ABHD18: variants seen among roughly 807,000 people sequenced by gnomAD.
ABHD18 encodes abhydrolase domain containing 18, also known as cardiolipin-specific deacylase, mitochondrial.
ABHD18 carries 55 observed loss-of-function variants against 65.9 expected under a neutral mutation model. The observed-to-expected ratio is 0.84, with a 90% CI of 0.67 to 1.05. The LOEUF (loss-of-function observed/expected upper bound fraction) is 1.05. Among genes scored for constraint, ABHD18 ranks in the 50% least tolerant of loss-of-function variants. The probability of loss-of-function intolerance (pLI) is 0.00; values close to 1 mark genes in which losing one functional copy is unlikely to be tolerated. For synonymous variants in ABHD18, 181 were observed against 180.2 expected (o/e 1.00, Z -0.04); for missense variants, 533 against 558.5 (o/e 0.95, Z 0.46).
chr4:127,991,835 T>A (rs1394434580), intron 4 of ABHD18, among the ~76,000 whole-genome samples: 1 of 152,222 alleles, frequency 6.6e-6, no homozygotes, highest in Non-Finnish European at 1.5e-5. Flanking sequence ...CGTATTGGAA[T>A]CCTGAATTCC....
chr4:127,982,965 A>T lies in ABHD18; in HGVS notation c.10A>T (p.Ser4Cys). ...TGCTTGTTTGCTACTGATGGGTGTGAGCAAGTTAGATATTCTATACCGGAG... is the reference window on the plus strand; with the variant it reads ...TGCTTGTTTGCTACTGATGGGTGTGTGCAAGTTAGATATTCTATACCGGAG... MGV[S>C]KLDILYRRLL... Residue 4 changes from serine to cysteine, a missense_variant, in exon 2 of 13, where the codon AGC (serine) becomes TGC (cysteine). Transcript: ENST00000645843. The T allele has an allele frequency of 1.3e-6, 2 of 1,561,028 alleles. No individual in the cohort carries two copies. The highest frequency in any genetic ancestry group is 1.7e-6 in the Non-Finnish European group (2 of 1,151,470).
rs563328704 is a variant in ABHD18, at chr4:128,039,742, T to C, written c.*3929T>C. On this transcript the variant is annotated 3_prime_UTR_variant, in exon 13 of 13. Transcript: ENST00000645843. ...TGTGCTTTTTTTCAAGAGGTATTAT[T>C]GTAAATACGGTAGACACATGTCACA... 82 of 152,306 alleles carry C rather than the reference T, an allele frequency of 5.4e-4. No homozygotes were observed. Among genetic ancestry groups the C allele is most frequent in the African/African-American group, 1.9e-3 (79 of 41,568 alleles). The allele number at this position is 152,306 out of a possible 1,614,324, so 9.4% of individuals were successfully genotyped here.
intron 1 of ABHD18, among the ~76,000 whole-genome samples, chr4:127,982,733 C>T (rs1194693864): frequency 2.0e-5 from 3 of 152,156 alleles, no homozygotes; most frequent in Non-Finnish European, 4.4e-5. Context: ...GAGAAATTCA[C>T]AGTTCAGTGA....
At chr4:128,022,923 A>G (rs911488906) in intron 10 of ABHD18, among the ~76,000 whole-genome samples, 2 of 151,982 alleles carry the variant, frequency 1.3e-5, no homozygotes, top group Admixed American at 1.3e-4. Context: ...GGCACGCGCC[A>G]CTATGCTTAG....
chr4:127,967,993 G>A (rs1746008777), intron 1 of ABHD18, among the ~76,000 whole-genome samples: 2 of 152,062 alleles, frequency 1.3e-5, no homozygotes, highest in African/African-American at 2.4e-5. Flanking sequence ...AGGCCGAGGC[G>A]GGCGGATCAC....
At chr4:128,015,122 G>A (rs909112746) in intron 7 of ABHD18, among the ~76,000 whole-genome samples, 1 of 151,348 alleles carries the variant, frequency 6.6e-6, no homozygotes, top group Non-Finnish European at 1.5e-5. Flanking sequence ...GTGCACACCT[G>A]TAGTCCCAGG....
chr4:128,009,349 A>G (rs1754156694), intron 6 of ABHD18, 158 bp downstream of exon 6: 2 of 449,498 alleles, frequency 4.4e-6, no homozygotes, highest in Admixed American at 8.7e-5. Flanking sequence ...GGAGTGAAAG[A>G]CTATTTCATG....
chr4:128,004,103 C>G (rs1377759171), intron 4 of ABHD18, among the ~76,000 whole-genome samples: 1 of 151,978 alleles, frequency 6.6e-6, no homozygotes, highest in Non-Finnish European at 1.5e-5. Flanking sequence ...CCTTCAAGAT[C>G]AGTTGTTCTA....
chr4:128,013,725 A>G (rs1579368091), intron 7 of ABHD18, among the ~76,000 whole-genome samples: 1 of 151,594 alleles, frequency 6.6e-6, no homozygotes, highest in East Asian at 1.9e-4. Flanking sequence ...TCTGACTTGG[A>G]TGTGTCAAAT....
At chr4:127,998,139 T>G (rs1752049436) in intron 4 of ABHD18, among the ~76,000 whole-genome samples, 1 of 152,142 alleles carries the variant, frequency 6.6e-6, no homozygotes, top group Admixed American at 6.6e-5. Context: ...TCCTCCTGCC[T>G]CAGCCTCCCA....
chr4:127,981,820 G>T (rs72618807), intron 1 of ABHD18, among the ~76,000 whole-genome samples: 4,608 of 152,186 alleles, frequency 0.03, 304 homozygotes, highest in East Asian at 0.27. Context: ...AGAGAGATGG[G>T]TGCTATTAAA....
chr4:127,988,858 A>G (rs1322844525), intron 3 of ABHD18, among the ~76,000 whole-genome samples: 1 of 152,204 alleles, frequency 6.6e-6, no homozygotes, highest in African/African-American at 2.4e-5. Context: ...ACTGCGGAGA[A>G]CAGTATGGAA....
Position 128,018,741 on chromosome 4 carries a change from C to T in ABHD18, c.609+1240C>T, listed in dbSNP as rs772972145. On this transcript the variant is annotated intron_variant, in intron 8 of 12. Transcript: ENST00000645843. The stretch of plus-strand genomic sequence containing the variant: ...CTCAAATTCAAAACTATGCTGGGCA[C>T]GGTGGTTCACACCTGTAATCCCAGC... 2.9e-4 allele frequency among the ~76,000 whole-genome samples: 44 copies of T among 152,130 alleles called. No individual in the cohort carries two copies. The East Asian group carries it at 7.0e-3, about 24-fold the overall frequency.
Position 128,036,407 on chromosome 4 carries a change from G to A in ABHD18, c.*594G>A, listed in dbSNP as rs1179005861. The A allele has an allele frequency of 6.6e-6, 1 of 150,676 alleles. No individual in the cohort carries two copies. Among genetic ancestry groups the A allele is most frequent in the African/African-American group, 2.4e-5 (1 of 40,934 alleles). The allele number at this position is 150,676 out of a possible 1,614,324, so 9.3% of individuals were successfully genotyped here. On this transcript the variant is annotated 3_prime_UTR_variant, in exon 13 of 13. Transcript: ENST00000645843. ...TTTTCTTTTTTTTTTCTTTTAACAT[G>A]TACCTCTACTTGAATGTAAGTGCTT...
chr4:127,989,939 G>T lies in ABHD18; in HGVS notation c.278+118G>T, dbSNP rs113676433. ...AAGGCAGGCCTAAATTATTGAAAAGGCTGAATTAGAAGATATTTTAATTCT... is the reference window on the plus strand; with the variant it reads ...AAGGCAGGCCTAAATTATTGAAAAGTCTGAATTAGAAGATATTTTAATTCT... On this transcript the variant is annotated intron_variant, in intron 4 of 12. Coordinates refer to ENST00000645843, the MANE Select transcript of ABHD18 (RefSeq NM_001358451.3). The T allele has an allele frequency of 2.2e-3, 1,272 of 568,750 alleles. 25 individuals carry two copies. Among genetic ancestry groups the T allele is most frequent in the African/African-American group, 0.021 (1,119 of 53,458 alleles). 35.2% of individuals were successfully genotyped at this position (568,750 alleles called of 1,614,324 possible). A position where few individuals can be genotyped will look rare whatever the true frequency, so the allele number is the denominator to read the frequency against.
intron 10 of ABHD18, among the ~76,000 whole-genome samples, chr4:128,027,732 C>T (rs1317075929): frequency 6.6e-6 from 1 of 152,046 alleles, no homozygotes; most frequent in Non-Finnish European, 1.5e-5. Context: ...TTAGTTCAAC[C>T]AGAGAAAGGG....
At chr4:127,970,393 G>A (rs1196296200) in intron 1 of ABHD18, among the ~76,000 whole-genome samples, 1 of 151,638 alleles carries the variant, frequency 6.6e-6, no homozygotes, top group Admixed American at 6.6e-5. Context: ...AGGAGTTTGA[G>A]ACCAGCCTGA....
chr4:128,032,415 G>A (rs1377806463), intron 12 of ABHD18, among the ~76,000 whole-genome samples: 14 of 152,184 alleles, frequency 9.2e-5, no homozygotes, highest in Admixed American at 6.5e-4. Context: ...CGCCAGGTGC[G>A]GTGGCTCACA....
intron 8 of ABHD18, among the ~76,000 whole-genome samples, chr4:128,019,536 G>A (rs775323822): frequency 1.7e-4 from 26 of 152,116 alleles, no homozygotes; most frequent in Non-Finnish European, 3.4e-4. Context: ...TTTCCCTTCT[G>A]ATTCCTCCAG....
Sources: allele counts gnomAD v4.1 joint callset (sites outside exome capture counted in the v4.1 genomes callset), GRCh38; gene constraint gnomAD v4.1.1; transcripts MANE v1.5; gene names NCBI Gene and HGNC (gene_info 2026-07-23, HGNC 2026-07-21).